WDFY2: variants seen among roughly 807,000 people sequenced by gnomAD.
WDFY2 encodes the protein WD repeat and FYVE domain-containing protein 2.
WDFY2 carries 36 observed loss-of-function variants against 56.4 expected under a neutral mutation model. The ratio of observed to expected loss-of-function variants is 0.64; its 90% CI spans 0.49 to 0.84. WDFY2 has a LOEUF of 0.84. Among genes scored for constraint, WDFY2 ranks in the 40% least tolerant of loss-of-function variants. The pLI is 0.00. For synonymous variants in WDFY2, 176 were observed against 183.7 expected (o/e 0.96, Z 0.34); for missense variants, 444 against 512.2 (o/e 0.87, Z 1.29).
At chr13:51,599,908 C>A (rs978729371) in intron 1 of WDFY2, among the ~76,000 whole-genome samples, 119 of 148,942 alleles carry the variant, frequency 8.0e-4, no homozygotes, top group South Asian at 1.5e-3. Context: ...AAAAAAAAAA[C>A]AAAACAAAAA....
At chr13:51,616,645 A>AT (rs1954620859) in intron 1 of WDFY2, among the ~76,000 whole-genome samples, 1 of 152,214 alleles carries the variant, frequency 6.6e-6, no homozygotes, top group African/African-American at 2.4e-5. Context: ...ACTGGCTTTT[A>AT]AAGACTTCTG....
intron 1 of WDFY2, among the ~76,000 whole-genome samples, chr13:51,633,649 C>T (rs918906308): frequency 6.6e-6 from 1 of 152,082 alleles, no homozygotes; most frequent in Non-Finnish European, 1.5e-5. Context: ...GTGGTGGAGA[C>T]TTTTTTTCTC....
chr13:51,623,779 G>A (rs532188899), intron 1 of WDFY2, among the ~76,000 whole-genome samples: 2 of 150,930 alleles, frequency 1.3e-5, no homozygotes, highest in South Asian at 4.2e-4. Flanking sequence ...TTATTCTGTG[G>A]TTCCTGTCCT....
At chr13:51,710,408 A>G (rs569628374) in intron 4 of WDFY2, among the ~76,000 whole-genome samples, 7 of 152,284 alleles carry the variant, frequency 4.6e-5, no homozygotes, top group East Asian at 1.9e-4. Context: ...CACCACTCCT[A>G]TTCAACATAG....
intron 6 of WDFY2, among the ~76,000 whole-genome samples, chr13:51,734,044 C>T (rs1190005509): frequency 2.0e-5 from 3 of 152,166 alleles, no homozygotes; most frequent in African/African-American, 4.8e-5. Context: ...TTTTATTCAA[C>T]AGGCTCTTAG....
chr13:51,745,064 A>G (rs1953063146), intron 7 of WDFY2, among the ~76,000 whole-genome samples: 1 of 152,226 alleles, frequency 6.6e-6, no homozygotes, highest in African/African-American at 2.4e-5. Context: ...ATGAGTGGCA[A>G]AGCAGTTCCT....
intron 8 of WDFY2, among the ~76,000 whole-genome samples, chr13:51,753,612 G>T (rs1266699044): frequency 2.0e-5 from 3 of 151,428 alleles, no homozygotes; most frequent in Non-Finnish European, 2.9e-5. Flanking sequence ...ACTTTTTTTT[G>T]AACAAAAAAT....
chr13:51,663,335 A>G (rs1055063309), intron 2 of WDFY2, among the ~76,000 whole-genome samples: 2 of 152,180 alleles, frequency 1.3e-5, no homozygotes, highest in African/African-American at 4.8e-5. Context: ...ATGCTAGTCA[A>G]TCAGATATTT....
At chr13:51,715,188 T>C (rs1952316083) in intron 4 of WDFY2, among the ~76,000 whole-genome samples, 1 of 152,196 alleles carries the variant, frequency 6.6e-6, no homozygotes, top group Non-Finnish European at 1.5e-5. Context: ...ACTTAGGCTA[T>C]TAAAAATATT....
At chr13:51,585,273 A>T (rs554602000) in intron 1 of WDFY2, among the ~76,000 whole-genome samples, 3 of 152,204 alleles carry the variant, frequency 2.0e-5, no homozygotes, top group Non-Finnish European at 4.4e-5. Context: ...AGCAAATGCC[A>T]CTCCTTCTTC....
intron 7 of WDFY2, among the ~76,000 whole-genome samples, chr13:51,740,425 G>A (rs951120508): frequency 6.6e-6 from 1 of 152,238 alleles, no homozygotes; most frequent in Admixed American, 6.5e-5. Context: ...GAAGAAAAAA[G>A]GAAGCCAGGG....
intron 5 of WDFY2, among the ~76,000 whole-genome samples, chr13:51,726,742 T>C (rs925831289): frequency 6.6e-6 from 1 of 152,238 alleles, no homozygotes; most frequent in Non-Finnish European, 1.5e-5. Context: ...AGAGCTGCTG[T>C]GTTAACTCTT....
chr13:51,662,969 C>G (rs190541353), intron 2 of WDFY2, among the ~76,000 whole-genome samples: 35 of 152,260 alleles, frequency 2.3e-4, no homozygotes, highest in East Asian at 1.9e-3. Context: ...GGGTTCTACC[C>G]CAGAGCTGCT....
At chr13:51,587,320 G>A (rs1953961470) in intron 1 of WDFY2, 1 of 152,152 alleles carries the variant, frequency 6.6e-6, no homozygotes, top group South Asian at 2.1e-4. Context: ...GGAGCTTTGT[G>A]TGTCTTATTC....
rs1392578435 is a variant in WDFY2, at chr13:51,765,102, AG to A, written c.*5335del. The A allele has an allele frequency of 6.6e-6, 1 of 151,988 alleles. No individual in the cohort carries two copies. Among genetic ancestry groups the A allele is most frequent in the African/African-American group, 2.4e-5 (1 of 41,320 alleles). 9.4% of individuals were successfully genotyped at this position (151,988 alleles called of 1,614,324 possible). Reference sequence around the variant, plus strand: ...CAGAGAGTTTCGTCAATTCAGGTACAGGTCTGTCTGGGAGACCTGGCCCTGT... The same window carrying A: ...CAGAGAGTTTCGTCAATTCAGGTACAGTCTGTCTGGGAGACCTGGCCCTGT... On this transcript the variant is annotated 3_prime_UTR_variant, in exon 12 of 12. Coordinates refer to ENST00000298125, the MANE Select transcript of WDFY2 (RefSeq NM_052950.4).
chr13:51,751,260 C>T, intron 7 of WDFY2, 50 bp from the exon 8 acceptor site: 2 of 1,578,652 alleles, frequency 1.3e-6, no homozygotes, highest in Non-Finnish European at 1.7e-6. Flanking sequence ...TGCTGCGAGG[C>T]CTTGCATTTG....
intron 2 of WDFY2, among the ~76,000 whole-genome samples, chr13:51,667,876 CTTCTTT>C (rs1566096710): frequency 3.1e-5 from 3 of 97,128 alleles, no homozygotes; most frequent in African/African-American, 4.6e-5. Context: ...ACCTGAGGAA[CTTCTTT>C]TTTTTTTTTT....
intron 7 of WDFY2, among the ~76,000 whole-genome samples, chr13:51,745,390 A>G (rs1338854119): frequency 6.6e-6 from 1 of 152,240 alleles, no homozygotes; most frequent in Non-Finnish European, 1.5e-5. Context: ...GTAGACACAT[A>G]CATAGGCAAT....
Position 51,584,839 on chromosome 13 carries a change from C to CA in WDFY2, c.137+16dup, listed in dbSNP as rs779065195. On this transcript the variant is annotated intron_variant, in intron 1 of 11. Transcript: ENST00000298125. ...TCCGAGGACAGGTATGGACTACTGC[C>CA]ATTCGGCCGCGAGGAGGGGCGGGAC... The CA allele has an allele frequency of 1.7e-5, 27 of 1,612,758 alleles. No individual in the cohort carries two copies. In the South Asian group the frequency reaches 2.9e-4, roughly 17 times the overall value.
Sources: allele counts gnomAD v4.1 joint callset (sites outside exome capture counted in the v4.1 genomes callset), GRCh38; gene constraint gnomAD v4.1.1; transcripts MANE v1.5; gene names NCBI Gene and HGNC (gene_info 2026-07-23, HGNC 2026-07-21).